Variants in CTNNA3 observed in about 807,000 individuals in gnomAD.
CTNNA3 encodes catenin alpha 3, also known as catenin alpha-3.
CTNNA3 carries 76 observed loss-of-function variants against 95.7 expected under a neutral mutation model. That is an observed-to-expected ratio of 0.79 (90% confidence interval 0.66 to 0.96). CTNNA3 has a LOEUF of 0.96. Ranked by LOEUF, CTNNA3 falls within the 40% of genes least tolerant of loss-of-function variation. The pLI, the probability that CTNNA3 is intolerant of heterozygous loss-of-function variation, is 0.00. For missense variants in CTNNA3, 1,191 were observed against 1,089.8 expected, an observed-to-expected ratio of 1.09 and a Z score of -1.31; for synonymous variants, 431 against 374.4, an observed-to-expected ratio of 1.15 and a Z score of -1.74.
At chr10:66,015,253 A>G (rs1002902169) in intron 15 of CTNNA3, among the ~76,000 whole-genome samples, 1 of 152,186 alleles carries the variant, frequency 6.6e-6, no homozygotes, top group Non-Finnish European at 1.5e-5. Flanking sequence ...AATATTAACC[A>G]TATCAACACC....
chr10:67,682,553 T>TC (rs1427171670), intron 1 of CTNNA3, among the ~76,000 whole-genome samples: 172 of 152,310 alleles, frequency 1.1e-3, no homozygotes, highest in Admixed American at 8.5e-3. Flanking sequence ...GAACATAAGC[T>TC]CTTAGTATAC....
intron 12 of CTNNA3, among the ~76,000 whole-genome samples, chr10:66,336,722 C>A (rs1208358183): frequency 2.6e-5 from 4 of 152,024 alleles, no homozygotes; most frequent in African/African-American, 9.7e-5. Flanking sequence ...AGTCCAAAAT[C>A]ATTCACACTG....
chr10:67,061,503 G>GCAT (rs1199290723), intron 7 of CTNNA3, among the ~76,000 whole-genome samples: 1 of 151,998 alleles, frequency 6.6e-6, no homozygotes, highest in East Asian at 1.9e-4. Context: ...TCTCTGTTCT[G>GCAT]CATCTTTAGC....
chr10:66,320,979 A>G (rs537169913), intron 12 of CTNNA3, among the ~76,000 whole-genome samples: 51 of 152,226 alleles, frequency 3.4e-4, no homozygotes, highest in Middle Eastern at 3.4e-3. Flanking sequence ...CAAACATGCA[A>G]TTAAATAACT....
At chr10:66,356,485 G>A (rs984858272) in intron 12 of CTNNA3, among the ~76,000 whole-genome samples, 16 of 151,578 alleles carry the variant, frequency 1.1e-4, no homozygotes, top group Non-Finnish European at 2.2e-4. Context: ...TATAATTTTG[G>A]TTTCCAATTG....
chr10:66,697,059 G>A (rs1847792032), intron 9 of CTNNA3, among the ~76,000 whole-genome samples: 1 of 152,062 alleles, frequency 6.6e-6, no homozygotes, highest in South Asian at 2.1e-4. Context: ...AGGTGGAATT[G>A]TTAGGAAGCA....
At chr10:66,562,858 A>G (rs1275437681) in intron 10 of CTNNA3, among the ~76,000 whole-genome samples, 3 of 152,224 alleles carry the variant, frequency 2.0e-5, no homozygotes, top group Admixed American at 6.5e-5. Context: ...TATTTGTTCA[A>G]TAAAACCAAT....
At chr10:66,901,997 T>C (rs1273831291) in intron 7 of CTNNA3, among the ~76,000 whole-genome samples, 1 of 151,976 alleles carries the variant, frequency 6.6e-6, no homozygotes, top group Non-Finnish European at 1.5e-5. Flanking sequence ...AGGATATTCA[T>C]GGTTTGAACT....
At chr10:66,872,618 G>A (rs903580972) in intron 7 of CTNNA3, among the ~76,000 whole-genome samples, 10 of 152,142 alleles carry the variant, frequency 6.6e-5, no homozygotes, top group South Asian at 2.1e-4. Context: ...ACAGTGAGCC[G>A]AGATTGTGCC....
intron 13 of CTNNA3, among the ~76,000 whole-genome samples, chr10:66,223,839 C>T (rs1166388508): frequency 1.3e-5 from 2 of 151,568 alleles, no homozygotes; most frequent in East Asian, 3.9e-4. Context: ...GATTCAGTTA[C>T]GTAGCTTACC....
intron 9 of CTNNA3, among the ~76,000 whole-genome samples, chr10:66,649,737 G>A (rs1468515713): frequency 2.6e-5 from 4 of 152,222 alleles, no homozygotes; most frequent in African/African-American, 9.6e-5. Context: ...GACCCCAGCA[G>A]CCCTAGGCTC....
At position 65,959,649 on chromosome 10, in the gene CTNNA3, C is replaced by T. The variant is rs111244430; in HGVS notation, c.2400+6963G>A. Among the ~76,000 whole-genome samples the T allele has an allele frequency of 4.5e-4, 69 of 152,212 alleles. 1 individual carries two copies. In the East Asian group the frequency reaches 6.6e-3, roughly 15 times the overall value. On this transcript the variant is annotated intron_variant, in intron 17 of 17. Coordinates refer to ENST00000433211, the MANE Select transcript of CTNNA3 (RefSeq NM_013266.4). ...AGGTCATCCTCTCACCTCAGCTTCC[C>T]GAGTAGCTGGGACTACAGGCATACA...
intron 17 of CTNNA3, among the ~76,000 whole-genome samples, chr10:65,957,897 G>A (rs906137252): frequency 2.6e-4 from 40 of 152,070 alleles, no homozygotes; most frequent in African/African-American, 9.4e-4. Flanking sequence ...TCTTTGTGGT[G>A]TTCTCTGTAT....
At chr10:67,313,458 T>A (rs1840908523) in intron 5 of CTNNA3, among the ~76,000 whole-genome samples, 1 of 151,526 alleles carries the variant, frequency 6.6e-6, no homozygotes, top group Non-Finnish European at 1.5e-5. Context: ...ATAATAATAA[T>A]AAAATAAACT....
At chr10:66,471,879 C>A (rs1461152385) in intron 11 of CTNNA3, among the ~76,000 whole-genome samples, 1 of 151,924 alleles carries the variant, frequency 6.6e-6, no homozygotes, top group Non-Finnish European at 1.5e-5. Flanking sequence ...CCAAAACTTA[C>A]AAATATATAT....
chr10:67,259,239 G>A lies in CTNNA3; in HGVS notation c.580-39369C>T, dbSNP rs531890292. On this transcript the variant is annotated intron_variant, in intron 5 of 17. Coordinates refer to ENST00000433211, the MANE Select transcript of CTNNA3 (RefSeq NM_013266.4). ...TCTGCAGAACCTAAACCCATTCTGC[G>A]GAGTGAAACCCAAGATAATCACTCT... Among the ~76,000 whole-genome samples, 9 of 152,118 alleles carry A rather than the reference G, an allele frequency of 5.9e-5. No homozygotes were observed. The South Asian group carries it at 1.0e-3, about 18-fold the overall frequency.
chr10:66,313,795 C>T (rs2092059649), intron 12 of CTNNA3, among the ~76,000 whole-genome samples: 1 of 152,202 alleles, frequency 6.6e-6, no homozygotes, highest in South Asian at 2.1e-4. Flanking sequence ...GAGCCTGATT[C>T]AGAGCCTGGT....
intron 1 of CTNNA3, among the ~76,000 whole-genome samples, chr10:67,711,583 T>A (rs1841109125): frequency 6.6e-6 from 1 of 152,112 alleles, no homozygotes; most frequent in South Asian, 2.1e-4. Flanking sequence ...ATTTATTTAT[T>A]TATTTATTTT....
intron 10 of CTNNA3, among the ~76,000 whole-genome samples, chr10:66,582,499 T>G (rs1022861545): frequency 1.3e-5 from 2 of 151,574 alleles, no homozygotes; most frequent in African/African-American, 4.8e-5. Flanking sequence ...TGTAATGAGA[T>G]TTTGCTGAAT....
Sources: allele counts gnomAD v4.1 joint callset (sites outside exome capture counted in the v4.1 genomes callset), GRCh38; gene constraint gnomAD v4.1.1; transcripts MANE v1.5; gene names NCBI Gene and HGNC (gene_info 2026-07-23, HGNC 2026-07-21).